The following LCOR variants were observed in gnomAD, a reference collection of about 807,000 sequenced individuals.
The protein encoded by LCOR is ligand dependent nuclear receptor corepressor.
In LCOR, 14 loss-of-function variants were observed where a neutral mutation model predicts 64.4. The ratio of observed to expected loss-of-function variants is 0.22; its 90% confidence interval spans 0.14 to 0.34. LCOR has a LOEUF of 0.34. Among genes scored for constraint, LCOR ranks in the 10% least tolerant of loss-of-function variants. LCOR has a pLI of 1.00. For synonymous variants in LCOR, 643 were observed against 642.5 expected (o/e 1.00, Z -0.01); for missense variants, 1,686 against 1,765.3 (o/e 0.96, Z 0.80).
chr10:96,884,038 TATA>T (rs60878537), intron 2 of LCOR, among the ~76,000 whole-genome samples: 20,954 of 152,080 alleles, frequency 0.14, 1,944 homozygotes, highest in African/African-American at 0.26. Flanking sequence ...CTGTTAAATA[TATA>T]ATAATTCACC....
In LCOR at chr10:96,992,879, C is replaced by G. The variant is rs1006527068; in HGVS notation, c.*7745C>G. ...TTAATCATGGGAGATAAGCATGTTACCTTCTGCACCTTGACTTTGCTCGTG... is the reference window on the plus strand; with the variant it reads ...TTAATCATGGGAGATAAGCATGTTAGCTTCTGCACCTTGACTTTGCTCGTG... On this transcript the variant is annotated 3_prime_UTR_variant, in exon 8 of 8. Transcript: ENST00000421806. 2.6e-5 allele frequency: 4 copies of G among 152,330 alleles called. No individual in the cohort carries two copies. Among genetic ancestry groups the G allele is most frequent in the Non-Finnish European group, 4.4e-5 (3 of 68,110 alleles). 9.4% of individuals were successfully genotyped at this position (152,330 alleles called of 1,614,324 possible). A position where few individuals can be genotyped will look rare whatever the true frequency, so the allele number is the denominator to read the frequency against.
In LCOR at chr10:96,981,059, C is replaced by G; in HGVS notation, c.599C>G (p.Ser200Cys). The change falls in exon 8 of 8, where the codon TCT (serine) becomes TGT (cysteine). Residue 200 changes from serine to cysteine, a missense_variant. Coordinates refer to ENST00000421806, the MANE Select transcript of LCOR (RefSeq NM_001346516.2). ...KDALCLDMKSSASVDLFVDSS... is the reference protein window; with the variant it reads ...KDALCLDMKSCASVDLFVDSS... ...GCTCTGTGTCTCGATATGAAGTCTT[C>G]TGCTTCTGTAGATTTGTTCGTAGAC... is the stretch of plus-strand genomic sequence containing the variant. The G allele has an allele frequency of 1.4e-6, 1 of 703,052 alleles. No homozygotes were observed. The highest frequency in any genetic ancestry group is 2.6e-6 in the Non-Finnish European group (1 of 385,018). 43.6% of individuals were successfully genotyped at this position (703,052 alleles called of 1,614,324 possible). A position where few individuals can be genotyped will look rare whatever the true frequency, so the allele number is the denominator to read the frequency against.
intron 2 of LCOR, among the ~76,000 whole-genome samples, chr10:96,853,278 C>T (rs1341367488): frequency 6.6e-6 from 1 of 152,148 alleles, no homozygotes; most frequent in Non-Finnish European, 1.5e-5. Flanking sequence ...GAACTCCTGA[C>T]CTCAAGTGAT....
chr10:96,837,588 C>T (rs1356935109), intron 2 of LCOR, among the ~76,000 whole-genome samples: 1 of 152,142 alleles, frequency 6.6e-6, no homozygotes, highest in Non-Finnish European at 1.5e-5. Flanking sequence ...TTTACAGGGA[C>T]AATATTATCA....
chr10:96,923,774 C>T (rs1320560030), intron 4 of LCOR, among the ~76,000 whole-genome samples: 3 of 152,158 alleles, frequency 2.0e-5, no homozygotes, highest in Non-Finnish European at 4.4e-5. Context: ...ATTTCTGTTA[C>T]AGTTCTTGGA....
intron 2 of LCOR, among the ~76,000 whole-genome samples, chr10:96,893,015 G>A (rs570463974): frequency 1.3e-5 from 2 of 152,058 alleles, no homozygotes; most frequent in South Asian, 4.2e-4. Context: ...CTCCATGACT[G>A]ATTTTTGTGT....
intron 2 of LCOR, among the ~76,000 whole-genome samples, chr10:96,837,270 A>C (rs10882847): frequency 6.7e-6 from 1 of 149,698 alleles, no homozygotes; most frequent in Non-Finnish European, 1.5e-5. Context: ...GATTACAGGC[A>C]TGAGCCACTG....
intron 2 of LCOR, among the ~76,000 whole-genome samples, chr10:96,887,426 C>T (rs892409986): frequency 1.3e-5 from 2 of 151,640 alleles, no homozygotes; most frequent in Admixed American, 6.6e-5. Context: ...AGCCGGGCGT[C>T]GTGGCGGGCG....
chr10:96,950,833 G>T (rs1456656907), intron 6 of LCOR, among the ~76,000 whole-genome samples: 3 of 152,058 alleles, frequency 2.0e-5, no homozygotes, highest in African/African-American at 7.2e-5. Context: ...TTAAATAATA[G>T]TGTCTTTGGT....
chr10:96,879,170 T>C (rs551984214), intron 2 of LCOR, among the ~76,000 whole-genome samples: 1 of 152,210 alleles, frequency 6.6e-6, no homozygotes, highest in East Asian at 1.9e-4. Context: ...TTTTTAAATA[T>C]CAATTTATTT....
At chr10:96,954,915 C>T (rs765227972) in intron 7 of LCOR, 1 of 1,581,852 alleles carries the variant, frequency 6.3e-7, no homozygotes, top group Non-Finnish European at 8.6e-7. Context: ...CCTACCTGTG[C>T]AAGTCCTGCT....
intron 4 of LCOR, among the ~76,000 whole-genome samples, chr10:96,930,630 G>A (rs1254972626): frequency 5.3e-5 from 8 of 152,154 alleles, no homozygotes; most frequent in Non-Finnish European, 8.8e-5. Flanking sequence ...ACTTTAAATT[G>A]TGGAGAAAAG....
intron 4 of LCOR, among the ~76,000 whole-genome samples, chr10:96,933,186 A>G (rs763212952): frequency 6.6e-6 from 1 of 152,208 alleles, no homozygotes; most frequent in Non-Finnish European, 1.5e-5. Context: ...TTAGGGGAAT[A>G]TATCAAATGA....
rs1301865248 is a variant in LCOR at position 96,984,268 on chromosome 10, C to T, written c.3808C>T (p.Pro1270Ser). ...TCGAGAGAATCCTGATCAAGTGGAG[C>T]CAGAAGATGGCAGTGATGTCAGCCC... ...KFRENPDQVEPEDGSDVSPGP... is the reference protein window; with the variant it reads ...KFRENPDQVESEDGSDVSPGP... Residue 1270 changes from proline (P) to serine (S), a missense_variant, in exon 8 of 8, where the codon CCA (proline) becomes TCA (serine). Physicochemically the swap from Pro to Ser is moderately conservative, Grantham distance 74. Transcript: ENST00000421806. The T allele has an allele frequency of 6.2e-7, 1 of 1,613,954 alleles. No homozygotes were observed. The highest frequency in any genetic ancestry group is 8.5e-7 in the Non-Finnish European group (1 of 1,180,032).
chr10:96,840,216 G>T (rs957430173), intron 2 of LCOR, among the ~76,000 whole-genome samples: 4 of 152,142 alleles, frequency 2.6e-5, no homozygotes. Context: ...GTGTAGTAAT[G>T]AGTGGCATCT....
At position 96,982,432 on chromosome 10, in the gene LCOR, G is replaced by T. The variant is rs920115011; in HGVS notation, c.1972G>T (p.Asp658Tyr). ...EHNQPPVALL[D>Y]TEEMSVPQDC... Reference sequence around the variant, plus strand: ...CAACCAACCACCAGTTGCACTGTTGGATACGGAGGAGATGAGTGTACCCCA... The same window carrying T: ...CAACCAACCACCAGTTGCACTGTTGTATACGGAGGAGATGAGTGTACCCCA... Residue 658 changes from aspartate (D) to tyrosine (Y), a missense_variant, in exon 8 of 8, where the codon GAT becomes TAT. Asp to Tyr is a radical substitution (Grantham distance 160). Around this residue, in one of 3 missense-constraint regions of LCOR, gnomAD observed 1,293 missense variants for 1,410.4 expected, o/e 0.92. Transcript: ENST00000421806. The T allele has an allele frequency of 6.2e-7, 1 of 1,614,038 alleles. No individual in the cohort carries two copies. The highest frequency in any genetic ancestry group is 8.5e-7 in the Non-Finnish European group (1 of 1,180,020).
chr10:96,913,645 G>T (rs899770308), intron 4 of LCOR, among the ~76,000 whole-genome samples: 1 of 152,208 alleles, frequency 6.6e-6, no homozygotes, highest in Non-Finnish European at 1.5e-5. Flanking sequence ...TTGAGGTTGG[G>T]TGCAGTGGCT....
chr10:96,939,380 G>A (rs911887294), intron 4 of LCOR, among the ~76,000 whole-genome samples: 4 of 152,066 alleles, frequency 2.6e-5, no homozygotes, highest in Non-Finnish European at 5.9e-5. Flanking sequence ...CTAAAAGTAC[G>A]CCCTAAAAGT....
intron 7 of LCOR, chr10:96,963,827 T>C (rs1284481412): frequency 6.6e-6 from 1 of 152,230 alleles, no homozygotes; most frequent in East Asian, 1.9e-4. Context: ...ATCTTACATC[T>C]AAAATAAATT....
Sources: allele counts gnomAD v4.1 joint callset (sites outside exome capture counted in the v4.1 genomes callset), GRCh38; gene constraint gnomAD v4.1.1; regional missense constraint gnomAD v4.1.1; transcripts MANE v1.5; gene names NCBI Gene and HGNC (gene_info 2026-07-23, HGNC 2026-07-21).